Variants in BUD23 observed in about 807,000 individuals in gnomAD.
BUD23 encodes the protein 18S rRNA (guanine-N(7))-methyltransferase.
In BUD23, 34 loss-of-function variants were observed where a neutral mutation model predicts 47.0. That is an observed-to-expected ratio of 0.72 (90% CI 0.55 to 0.96). BUD23 has a LOEUF of 0.96. Among genes scored for constraint, BUD23 ranks in the 40% least tolerant of loss-of-function variants. The probability of loss-of-function intolerance (pLI) is 0.00; values close to 1 mark genes in which losing one functional copy is unlikely to be tolerated. For missense variants in BUD23, 343 were observed against 361.2 expected, an observed-to-expected ratio of 0.95 and a Z score of 0.41; for synonymous variants, 124 against 132.0, an observed-to-expected ratio of 0.94 and a Z score of 0.41.
At position 73,686,685 on chromosome 7, in the gene BUD23, C is replaced by CTTCT; in HGVS notation, c.139_142dup (p.Tyr48SerfsTer7). The CTTCT allele has an allele frequency of 6.2e-7, 1 of 1,613,928 alleles. No homozygotes were observed. The highest frequency in any genetic ancestry group is 1.3e-5 in the African/African-American group (1 of 75,016). The stretch of plus-strand genomic sequence containing the variant: ...CAGGATGGCTGGGCGAGCATTGGAG[C>CTTCT]TTCTTTATCTGCCAGAGAATAAGCC... On this transcript the variant is annotated frameshift_variant, in exon 3 of 12. Transcript: ENST00000265758. LOFTEE classifies it high-confidence loss of function.
At chr7:73,687,935 G>C (rs1337971525) in intron 5 of BUD23, among the ~76,000 whole-genome samples, 7 of 148,946 alleles carry the variant, frequency 4.7e-5, no homozygotes, top group African/African-American at 7.4e-5. Flanking sequence ...TCTCTCTGTT[G>C]CCCAGGCTGG....
intron 5 of BUD23, among the ~76,000 whole-genome samples, chr7:73,690,095 C>A (rs1188772623): frequency 6.6e-6 from 1 of 152,102 alleles, no homozygotes; most frequent in Non-Finnish European, 1.5e-5. Flanking sequence ...ACCTCTGCCT[C>A]CCAGGTTCAA....
intron 5 of BUD23, among the ~76,000 whole-genome samples, chr7:73,690,378 G>C (rs537364885): frequency 6.6e-6 from 1 of 152,134 alleles, no homozygotes; most frequent in Admixed American, 6.5e-5. Flanking sequence ...TAGGAGGAAG[G>C]GTGATGGGAT....
chr7:73,689,342 C>A (rs549539988), intron 5 of BUD23, among the ~76,000 whole-genome samples: 1 of 151,836 alleles, frequency 6.6e-6, no homozygotes, highest in African/African-American at 2.4e-5. Flanking sequence ...CCACCGCACC[C>A]GGCCCAGACT....
At chr7:73,694,547 C>T (rs1798322688) in intron 10 of BUD23, 2 of 153,050 alleles carry the variant, frequency 1.3e-5, no homozygotes, top group South Asian at 2.1e-4. Flanking sequence ...TCAGACCTGC[C>T]TCTTCTTCCC....
At chr7:73,692,553 C>T (rs375577430) in intron 6 of BUD23, 43 bp from the exon 7 acceptor site, 22 of 1,602,636 alleles carry the variant, frequency 1.4e-5, no homozygotes, top group Non-Finnish European at 1.9e-5. Flanking sequence ...GCCCTAAGCT[C>T]ATGCAGTCAT....
intron 11 of BUD23, 39 bp from the exon 12 acceptor site, chr7:73,697,793 C>CT (rs782210394): frequency 1.5e-5 from 24 of 1,611,154 alleles, no homozygotes; most frequent in African/African-American, 1.1e-4. Flanking sequence ...CTGCTTTGAT[C>CT]TTTTTTTTCT....
rs192052349 is a variant in BUD23, at chr7:73,694,127, C to T, written c.701+77C>T. 3,735 of 1,476,072 alleles carry T rather than the reference C, an allele frequency of 2.5e-3. 11 individuals carry two copies. Among genetic ancestry groups the T allele is most frequent in the Non-Finnish European group, 2.8e-3 (2,996 of 1,084,868 alleles). The allele number at this position is 1,476,072 out of a possible 1,614,324, so 91.4% of individuals were successfully genotyped here. Reference sequence around the variant, plus strand: ...GTTAGACATGGACTTTCTCTCTGCCCTCACCCAAGCCTCTCAGGTCACATG... The same window carrying T: ...GTTAGACATGGACTTTCTCTCTGCCTTCACCCAAGCCTCTCAGGTCACATG... On this transcript the variant is annotated intron_variant, in intron 10 of 11. Transcript: ENST00000265758.
chr7:73,683,826 C>T (rs572151668), intron 2 of BUD23, 22 bp downstream of exon 2: 3 of 1,614,100 alleles, frequency 1.9e-6, no homozygotes, highest in Non-Finnish European at 2.5e-6. Flanking sequence ...CTGAATACTG[C>T]GGGGCGTCCG....
chr7:73,689,844 GAGTT>G (rs1798121617), intron 5 of BUD23, among the ~76,000 whole-genome samples: 1 of 152,108 alleles, frequency 6.6e-6, no homozygotes, highest in South Asian at 2.1e-4. Flanking sequence ...AGAGGAGAGA[GAGTT>G]AGGTGGAAGC....
chr7:73,698,141 A>G lies in BUD23; in HGVS notation c.*255A>G. On this transcript the variant is annotated 3_prime_UTR_variant, in exon 12 of 12. Coordinates refer to ENST00000265758, the MANE Select transcript of BUD23 (RefSeq NM_017528.5). ...TGAAACTTCCTTTCCAGGGAGGAAA[A>G]AAAAAAAAAAAAAAAGCTCTGAGAG... 2 of 289,282 alleles carry G rather than the reference A, an allele frequency of 6.9e-6. No homozygotes were observed. The highest frequency in any genetic ancestry group is 5.0e-5 in the Admixed American group (1 of 20,182). The allele number at this position is 289,282 out of a possible 1,614,324, so 17.9% of individuals were successfully genotyped here.
Position 73,683,609 on chromosome 7 carries a change from G to A in BUD23, c.-17G>A. The A allele has an allele frequency of 6.2e-7, 1 of 1,602,726 alleles. No individual in the cohort carries two copies. The highest frequency in any genetic ancestry group is 8.5e-7 in the Non-Finnish European group (1 of 1,175,520). On this transcript the variant is annotated 5_prime_UTR_variant, in exon 1 of 12. Transcript: ENST00000265758. The stretch of plus-strand genomic sequence containing the variant: ...GCCGGCAGGCGCCAGTCGCAGGTGT[G>A]CTGCTGAGGCGTGAGAATGGCGTCC...
Position 73,693,352 on chromosome 7 carries a change from C to T in BUD23, c.534C>T (p.Ala178=). 7 of 1,614,144 alleles carry T rather than the reference C, an allele frequency of 4.3e-6. No individual in the cohort carries two copies. Among genetic ancestry groups the T allele is most frequent in the Non-Finnish European group, 5.9e-6 (7 of 1,180,002 alleles). ...AGTTGGAGCTGATCACAACCCAGGC[C>T]ACAAAGGCAGGCTTCTCCGGTGGCA... The part of the protein sequence containing the change: ...SEQLELITTQ[A]TKAGFSGGMV... The change falls in exon 8 of 12, where the codon GCC becomes GCT. Residue 178 remains alanine, a synonymous_variant. Transcript: ENST00000265758.
At chr7:73,693,858 C>A in intron 9 of BUD23, 134 bp from the exon 10 acceptor site, 3 of 1,331,248 alleles carry the variant, frequency 2.3e-6, no homozygotes, top group Non-Finnish European at 3.2e-6. Flanking sequence ...CCCAGAAAGG[C>A]GTGTCAGTTC....
intron 5 of BUD23, 147 bp from the exon 6 acceptor site, chr7:73,690,769 G>A (rs1798160700): frequency 1.6e-6 from 1 of 642,852 alleles, no homozygotes; most frequent in Non-Finnish European, 2.7e-6. Context: ...CACTGTACGT[G>A]GCCTCAACCT....
intron 5 of BUD23, among the ~76,000 whole-genome samples, chr7:73,690,178 T>C (rs1755426597): frequency 6.6e-6 from 1 of 152,170 alleles, no homozygotes; most frequent in Non-Finnish European, 1.5e-5. Context: ...CTAATTTTTG[T>C]ATTTTTAGTA....
At chr7:73,691,803 C>T (rs1168177730) in intron 6 of BUD23, among the ~76,000 whole-genome samples, 3 of 151,852 alleles carry the variant, frequency 2.0e-5, no homozygotes, top group African/African-American at 7.3e-5. Flanking sequence ...TGGGGTCTAC[C>T]TATGTTGCCC....
At chr7:73,686,946 G>A (rs782656441) in intron 4 of BUD23, 46 bp downstream of exon 4, 1 of 1,614,004 alleles carries the variant, frequency 6.2e-7, no homozygotes, top group East Asian at 2.2e-5. Context: ...CCTGATGGGT[G>A]TGGAGAAGCC....
rs1442421466 is a variant in BUD23 at position 73,690,968 on chromosome 7, GC to G, written c.417del (p.Lys140SerfsTer34). 1 of 1,614,184 alleles carries G rather than the reference GC, an allele frequency of 6.2e-7. No homozygotes were observed. The highest frequency in any genetic ancestry group is 1.3e-5 in the African/African-American group (1 of 75,050). ...CNANKKSENPAKRLYCFFASL... is the reference protein window; with the variant it reads ...CNANKKSENPXKRLYCFFASL... ...TGCTAACAAGAAGTCTGAAAACCCT[GC>G]CAAGCGCCTGTACTGCTTTTTTGCT... On this transcript the variant is annotated frameshift_variant, in exon 6 of 12. Transcript: ENST00000265758. LOFTEE classifies it high-confidence loss of function.
Sources: gnomAD v4.1 joint callset for allele counts (sites outside exome capture counted in the v4.1 genomes callset) on GRCh38, gnomAD v4.1.1 for gene constraint, MANE v1.5 for transcripts, NCBI Gene and HGNC (gene_info 2026-07-23, HGNC 2026-07-21) for gene names.